Variants in SLC14A2 observed in about 807,000 individuals in gnomAD.
SLC14A2 encodes urea transporter 2.
In SLC14A2, 91 loss-of-function variants were observed where a neutral mutation model predicts 104.6. That is an observed-to-expected ratio of 0.87 (90% CI 0.73 to 1.04). The LOEUF (loss-of-function observed/expected upper bound fraction) is 1.04. Among genes scored for constraint, SLC14A2 ranks in the 50% least tolerant of loss-of-function variants. The probability of loss-of-function intolerance (pLI) is 0.00; values close to 1 mark genes in which losing one functional copy is unlikely to be tolerated. For missense variants in SLC14A2, 1,189 were observed against 1,156.0 expected (o/e 1.03, Z -0.41); for synonymous variants, 476 against 466.4 (o/e 1.02, Z -0.27).
chr18:45,260,689 C>T (rs997292742), intron 1 of SLC14A2, among the ~76,000 whole-genome samples: 3 of 152,112 alleles, frequency 2.0e-5, no homozygotes, highest in African/African-American at 7.2e-5. Context: ...GGGCATTATC[C>T]TTGAATTAAC....
At chr18:45,545,393 C>G (rs1332122488) in intron 2 of SLC14A2, among the ~76,000 whole-genome samples, 1 of 152,166 alleles carries the variant, frequency 6.6e-6, no homozygotes, top group Non-Finnish European at 1.5e-5. Flanking sequence ...GGGTCCGTTG[C>G]TATTTATCAT....
At chr18:45,203,939 T>G in the SLC14A2 span, among the ~76,000 whole-genome samples, 1 of 152,154 alleles carries the variant, frequency 6.6e-6, no homozygotes. Context: ...GAGCAGTGAG[T>G]GTTTAGTACC....
chr18:45,284,084 A>G (rs886860336), intron 1 of SLC14A2, among the ~76,000 whole-genome samples: 6 of 152,246 alleles, frequency 3.9e-5, no homozygotes, highest in African/African-American at 1.4e-4. Flanking sequence ...TTATTTTTAA[A>G]TGTGACTGTA....
At chr18:45,335,771 G>T (rs989464661) in intron 1 of SLC14A2, among the ~76,000 whole-genome samples, 2 of 152,160 alleles carry the variant, frequency 1.3e-5, no homozygotes, top group African/African-American at 4.8e-5. Context: ...GAGCTGCCAA[G>T]GTTTTACTGC....
intron 10 of SLC14A2, 35 bp from the exon 11 acceptor site, chr18:45,663,749 TG>T (rs2045967765): frequency 6.2e-7 from 1 of 1,605,300 alleles, no homozygotes; most frequent in African/African-American, 1.3e-5. Flanking sequence ...GCGGACTAGG[TG>T]GGACACTGAC....
chr18:45,582,958 C>A (rs2044516894), intron 2 of SLC14A2, among the ~76,000 whole-genome samples: 1 of 152,194 alleles, frequency 6.6e-6, no homozygotes, highest in African/African-American at 2.4e-5. Context: ...ATCTCCTCAC[C>A]ACCCACCCAC....
At chr18:45,450,015 C>G (rs1376684923) in intron 1 of SLC14A2, among the ~76,000 whole-genome samples, 1 of 152,180 alleles carries the variant, frequency 6.6e-6, no homozygotes, top group Non-Finnish European at 1.5e-5. Context: ...GAACCATCTG[C>G]CTGTCTCACT....
chr18:45,204,394 G>C, the SLC14A2 span, among the ~76,000 whole-genome samples: 1 of 152,210 alleles, frequency 6.6e-6, no homozygotes, highest in Admixed American at 6.5e-5. Context: ...GTGTGTGATT[G>C]TAGAGCTGGC....
chr18:45,475,916 G>T (rs1325475098), intron 1 of SLC14A2, among the ~76,000 whole-genome samples: 1 of 151,668 alleles, frequency 6.6e-6, no homozygotes, highest in Non-Finnish European at 1.5e-5. Context: ...ACAGTAATTG[G>T]TCTTGACTCT....
At chr18:45,381,187 T>C (rs1455677559) in intron 1 of SLC14A2, among the ~76,000 whole-genome samples, 1 of 152,232 alleles carries the variant, frequency 6.6e-6, no homozygotes, top group Non-Finnish European at 1.5e-5. Flanking sequence ...ATTATCTCCC[T>C]GACCAGCTAG....
chr18:45,297,985 G>A (rs569143661), intron 1 of SLC14A2, among the ~76,000 whole-genome samples: 3 of 152,226 alleles, frequency 2.0e-5, no homozygotes, highest in African/African-American at 7.2e-5. Flanking sequence ...AGACAAAGAG[G>A]CATTTTAAAC....
intron 2 of SLC14A2, among the ~76,000 whole-genome samples, chr18:45,544,831 T>C (rs1269421481): frequency 6.7e-6 from 1 of 149,126 alleles, no homozygotes; most frequent in Non-Finnish European, 1.5e-5. Flanking sequence ...TCATTCTTGT[T>C]GCCCAGGCTG....
chr18:45,321,135 A>C (rs1335964980), intron 1 of SLC14A2, among the ~76,000 whole-genome samples: 1 of 152,210 alleles, frequency 6.6e-6, no homozygotes, highest in Non-Finnish European at 1.5e-5. Flanking sequence ...ACTGCATCCC[A>C]ATCATCTGGA....
At chr18:45,452,257 T>C (rs1396457670) in intron 1 of SLC14A2, among the ~76,000 whole-genome samples, 1 of 152,186 alleles carries the variant, frequency 6.6e-6, no homozygotes, top group Non-Finnish European at 1.5e-5. Context: ...ACAGTGCCTA[T>C]AAAATATGAA....
At chr18:45,524,452 G>A (rs2705387) in intron 2 of SLC14A2, among the ~76,000 whole-genome samples, 64,559 of 152,038 alleles carry the variant, frequency 0.42, 15,392 homozygotes, top group East Asian at 0.57. Flanking sequence ...ATGTGCCCTT[G>A]ATGGGGTGTG....
Position 45,669,385 on chromosome 18 carries a change from G to C in SLC14A2, c.2116G>C (p.Val706Leu). 1 of 1,614,076 alleles carries C rather than the reference G, an allele frequency of 6.2e-7. No homozygotes were observed. Among genetic ancestry groups the C allele is most frequent in the Non-Finnish European group, 8.5e-7 (1 of 1,179,990 alleles). The part of the protein sequence containing the change: ...PVFTLPFNIT[V>L]TLYLAATGHY... ...CTTCACACTGCCCTTCAATATCACT[G>C]TGACTTTGTACCTGGCAGCCACGGG... The change falls in exon 16 of 20, where the codon GTG becomes CTG. Residue 706 changes from valine to leucine, a missense_variant. Physicochemically the swap from Val to Leu is conservative, Grantham distance 32. Transcript: ENST00000255226.
At chr18:45,421,180 T>C (rs2086342602) in intron 1 of SLC14A2, among the ~76,000 whole-genome samples, 1 of 152,212 alleles carries the variant, frequency 6.6e-6, no homozygotes, top group Admixed American at 6.5e-5. Context: ...TTTTATGAGC[T>C]ATCTACGTGC....
intron 2 of SLC14A2, among the ~76,000 whole-genome samples, chr18:45,523,844 A>T (rs2043552926): frequency 6.6e-6 from 1 of 152,046 alleles, no homozygotes; most frequent in East Asian, 1.9e-4. Context: ...TTGAGAACTT[A>T]CCCTACACTA....
chr18:45,483,101 A>AT (rs949982158), intron 1 of SLC14A2: 2 of 151,916 alleles, frequency 1.3e-5, no homozygotes, highest in South Asian at 2.1e-4. Context: ...CTGTTTCCTT[A>AT]TTTTTTTCTT....
Sources: allele counts gnomAD v4.1 joint callset (sites outside exome capture counted in the v4.1 genomes callset), GRCh38; gene constraint gnomAD v4.1.1; transcripts MANE v1.5; gene names NCBI Gene and HGNC (gene_info 2026-07-23, HGNC 2026-07-21).